Variants in TRNT1 observed in about 807,000 individuals in gnomAD.
The protein encoded by TRNT1 is tRNA nucleotidyl transferase 1.
A neutral mutation model predicts 45.6 loss-of-function variants in TRNT1; 44 were observed. The ratio of observed to expected loss-of-function variants is 0.97; its 90% CI spans 0.76 to 1.24. The LOEUF (loss-of-function observed/expected upper bound fraction) is 1.24, where lower values mean the gene tolerates loss of function less well. TRNT1 is among the 50% of genes most tolerant of loss of function. The pLI is 0.00. For synonymous variants in TRNT1, 201 were observed against 171.4 expected, an observed-to-expected ratio of 1.17 and a Z score of -1.35; for missense variants, 633 against 504.4, an observed-to-expected ratio of 1.25 and a Z score of -2.44.
At position 3,147,887 on chromosome 3, in the gene TRNT1, G is replaced by A; in HGVS notation, c.1057-19G>A. ...GTTTTCATGTGTGACGAAACTAAAT[G>A]TTTGATTTTGACACGTAGTCTAGGG... On this transcript the variant is annotated intron_variant, in intron 7 of 7. Transcript: ENST00000251607. 6.3e-7 allele frequency: 1 copy of A among 1,597,116 alleles called. No individual in the cohort carries two copies. The highest frequency in any genetic ancestry group is 1.1e-5 in the South Asian group (1 of 87,996).
At chr3:3,152,404 C>T (rs62228641), downstream of TRNT1, 5,482 of 1,577,494 alleles carry the variant, frequency 3.5e-3, 17 homozygotes, top group African/African-American at 0.018. Flanking sequence ...GATTTTTCTG[C>T]CCAATTAAGG....
intron 5 of TRNT1, 59 bp downstream of exon 5, chr3:3,144,769 T>G (rs1705879994): frequency 1.4e-6 from 2 of 1,413,782 alleles, no homozygotes; most frequent in East Asian, 5.1e-5. Flanking sequence ...AGCATAACAG[T>G]GGTCATACGA....
At position 3,137,284 on chromosome 3, in the gene TRNT1, A is replaced by C. The variant is rs753281343; in HGVS notation, c.173A>C (p.Glu58Ala). Reference protein sequence around the residue: ...LTELFVKENHELRIAGGAVRD... With the variant: ...LTELFVKENHALRIAGGAVRD... Reference sequence around the variant, plus strand: ...GAATTATTTGTCAAAGAGAATCACGAATTAAGAATAGCAGGAGGAGCAGTG... The same window carrying C: ...GAATTATTTGTCAAAGAGAATCACGCATTAAGAATAGCAGGAGGAGCAGTG... Residue 58 changes from glutamate to alanine, a missense_variant, in exon 3 of 8, where the codon GAA becomes GCA. By Grantham distance (107) the Glu-to-Ala change is moderately radical. Transcript: ENST00000251607. 6.3e-7 allele frequency: 1 copy of C among 1,593,810 alleles called. No individual in the cohort carries two copies. Among genetic ancestry groups the C allele is most frequent in the South Asian group, 1.2e-5 (1 of 86,452 alleles).
At chr3:3,144,022 A>G (rs1394022443) in intron 4 of TRNT1, among the ~76,000 whole-genome samples, 1 of 152,146 alleles carries the variant, frequency 6.6e-6, no homozygotes, top group Non-Finnish European at 1.5e-5. Flanking sequence ...ACTTACATAT[A>G]TTTTTCCAAA....
rs1169895559 is a variant in TRNT1 at position 3,139,717 on chromosome 3, CTTTAT to C, written c.343-788_343-784del. Among the ~76,000 whole-genome samples the C allele has an allele frequency of 2.6e-5, 4 of 152,094 alleles. No homozygotes were observed. In the East Asian group the frequency reaches 5.8e-4, roughly 22 times the overall value. On this transcript the variant is annotated intron_variant, in intron 3 of 7. Coordinates refer to ENST00000251607, the MANE Select transcript of TRNT1 (RefSeq NM_182916.3). ...CTGTCTTCCCAAGATAGAGGTAACT[CTTTAT>C]TTTAATTTCTTTCTTTCTCTTTTGA...
chr3:3,129,457 T>A, intron 2 of TRNT1: 1 of 416,650 alleles, frequency 2.4e-6, no homozygotes, highest in Non-Finnish European at 4.4e-6. Flanking sequence ...CTTGGCTGGG[T>A]GTACCCAGCC....
intron 5 of TRNT1, among the ~76,000 whole-genome samples, chr3:3,145,863 G>A (rs570235537): frequency 2.0e-5 from 3 of 151,818 alleles, no homozygotes; most frequent in Admixed American, 1.3e-4. Context: ...GAATTCATTA[G>A]AATTTTAAGG....
downstream of TRNT1, chr3:3,150,553 C>A: frequency 9.1e-6 from 2 of 219,344 alleles, no homozygotes; most frequent in South Asian, 7.0e-5. Flanking sequence ...ATAATCTCAT[C>A]ATTTCCAAAG....
At chr3:3,137,580 A>C in intron 3 of TRNT1, 127 bp downstream of exon 3, 1 of 685,378 alleles carries the variant, frequency 1.5e-6, no homozygotes, top group Non-Finnish European at 2.4e-6. Flanking sequence ...TGCCCGTCAT[A>C]AACCCTGCAG....
intron 1 of TRNT1, among the ~76,000 whole-genome samples, 188 bp from the exon 2 acceptor site, chr3:3,128,826 C>A (rs1704788495): frequency 6.6e-6 from 1 of 152,104 alleles, no homozygotes; most frequent in Non-Finnish European, 1.5e-5. Context: ...GTAAGTGCTT[C>A]TGGAGAACAA....
At chr3:3,153,153 T>C (rs866787723), downstream of TRNT1, 3 of 414,598 alleles carry the variant, frequency 7.2e-6, no homozygotes, top group African/African-American at 2.0e-5. Flanking sequence ...GTCTAATATA[T>C]AGATTGTCAA....
chr3:3,148,973 A>AGATTTATTCTCTAAG lies in TRNT1; in HGVS notation c.*824_*825insATTCTCTAAGGATTT, dbSNP rs1239150676. Reference sequence around the variant, plus strand: ...ATGGCTATTATTATATATTCTCTAAAGATTTGAGTCCTAAATGCTTTCATC... The same window carrying AGATTTATTCTCTAAG: ...ATGGCTATTATTATATATTCTCTAAAGATTTATTCTCTAAGGATTTGAGTCCTAAATGCTTTCATC... On this transcript the variant is annotated 3_prime_UTR_variant, in exon 8 of 8. Coordinates refer to ENST00000251607, the MANE Select transcript of TRNT1 (RefSeq NM_182916.3). 2.0e-5 allele frequency: 3 copies of AGATTTATTCTCTAAG among 151,812 alleles called. No homozygotes were observed. In the East Asian group the frequency reaches 5.8e-4, roughly 29 times the overall value. 9.4% of individuals were successfully genotyped at this position (151,812 alleles called of 1,614,324 possible). A position where few individuals can be genotyped will look rare whatever the true frequency, so the allele number is the denominator to read the frequency against.
intron 5 of TRNT1, chr3:3,145,127 C>G (rs895209162): frequency 6.5e-6 from 1 of 152,680 alleles, no homozygotes; most frequent in African/African-American, 2.4e-5. Context: ...TCATGGAAAT[C>G]GGTGATGGTT....
intron 5 of TRNT1, 113 bp downstream of exon 5, chr3:3,144,823 T>C (rs764824879): frequency 9.9e-5 from 112 of 1,134,980 alleles, no homozygotes; most frequent in Non-Finnish European, 1.2e-4. Flanking sequence ...ATCCCAAATG[T>C]CTGTCTCCAG....
downstream of TRNT1, chr3:3,150,617 A>C (rs1706457843): frequency 2.3e-6 from 1 of 427,246 alleles, no homozygotes; most frequent in Non-Finnish European, 4.4e-6. Context: ...ATTCCACAGG[A>C]TAATGGCACC....
intron 4 of TRNT1, 134 bp downstream of exon 4, chr3:3,140,782 C>T: frequency 2.5e-6 from 3 of 1,196,458 alleles, no homozygotes; most frequent in Admixed American, 2.5e-5. Flanking sequence ...TAGCAGATTG[C>T]TTCAAAGAAT....
chr3:3,137,121 C>T lies in TRNT1; in HGVS notation c.149-139C>T. On this transcript the variant is annotated intron_variant, in intron 2 of 7. Transcript: ENST00000251607. Reference sequence around the variant, plus strand: ...TTTTTACTTCTTTGGGCCTTGTTCTCATTTTTCATATGAAAAGCCTCAGTT... The same window carrying T: ...TTTTTACTTCTTTGGGCCTTGTTCTTATTTTTCATATGAAAAGCCTCAGTT... The T allele has an allele frequency of 6.0e-6, 4 of 667,004 alleles. No individual in the cohort carries two copies. In the South Asian group the frequency reaches 1.1e-4, roughly 19 times the overall value. 41.3% of individuals were successfully genotyped at this position (667,004 alleles called of 1,614,324 possible).
At chr3:3,151,325 C>G (rs1237980769), downstream of TRNT1, among the ~76,000 whole-genome samples, 2 of 152,066 alleles carry the variant, frequency 1.3e-5, no homozygotes, top group African/African-American at 4.8e-5. Context: ...ATAGAAATTG[C>G]TGGTTGCCAA....
chr3:3,140,997 G>A (rs1030316913), intron 4 of TRNT1, among the ~76,000 whole-genome samples: 13 of 152,128 alleles, frequency 8.5e-5, no homozygotes, highest in South Asian at 4.1e-4. Flanking sequence ...GTGTGAACCC[G>A]GGAGGCGGAG....
Sources: gnomAD v4.1 joint callset for allele counts (sites outside exome capture counted in the v4.1 genomes callset) on GRCh38, gnomAD v4.1.1 for gene constraint, MANE v1.5 for transcripts, NCBI Gene and HGNC (gene_info 2026-07-23, HGNC 2026-07-21) for gene names.